The following PDE1C variants were observed in gnomAD, a reference collection of about 807,000 sequenced individuals.
PDE1C encodes the protein dual specificity calcium/calmodulin-dependent 3',5'-cyclic nucleotide phosphodiesterase 1C.
In PDE1C, 62 loss-of-function variants were observed where a neutral mutation model predicts 93.1. The ratio of observed to expected loss-of-function variants is 0.67; its 90% CI spans 0.54 to 0.82. PDE1C has a LOEUF of 0.82. PDE1C is among the 40% of genes least tolerant of loss of function. The pLI is 0.00. For missense variants in PDE1C, 742 were observed against 884.6 expected, an observed-to-expected ratio of 0.84 and a Z score of 2.04; for synonymous variants, 325 against 310.1, an observed-to-expected ratio of 1.05 and a Z score of -0.50.
intron 1 of PDE1C, among the ~76,000 whole-genome samples, chr7:32,069,447 T>C (rs1795769349): frequency 6.6e-6 from 1 of 152,052 alleles, no homozygotes; most frequent in South Asian, 2.1e-4. Context: ...TAGTATCTAG[T>C]AGTAATGGAA....
At chr7:31,654,072 A>C in the PDE1C span, among the ~76,000 whole-genome samples, 41 of 130,894 alleles carry the variant, frequency 3.1e-4, no homozygotes, top group Non-Finnish European at 1.7e-4. Context: ...AAAAAAAAAA[A>C]CCAACAAGCA....
chr7:31,898,261 A>C (rs929696919), intron 2 of PDE1C, among the ~76,000 whole-genome samples: 1 of 152,128 alleles, frequency 6.6e-6, no homozygotes, highest in African/African-American at 2.4e-5. Context: ...GAAATTTATA[A>C]AATACCTATT....
chr7:31,701,262 A>C, the PDE1C span, among the ~76,000 whole-genome samples: 1 of 152,160 alleles, frequency 6.6e-6, no homozygotes, highest in African/African-American at 2.4e-5. Flanking sequence ...GTTGATTCCA[A>C]CCTTTATGAA....
intron 2 of PDE1C, among the ~76,000 whole-genome samples, chr7:32,194,493 T>C (rs539380118): frequency 3.3e-5 from 5 of 152,358 alleles, no homozygotes; most frequent in Middle Eastern, 3.4e-3. Flanking sequence ...GGTGCATAAA[T>C]ATATAGGATT....
intron 1 of PDE1C, among the ~76,000 whole-genome samples, chr7:32,392,480 T>C (rs1393040407): frequency 6.6e-6 from 1 of 152,062 alleles, no homozygotes; most frequent in Non-Finnish European, 1.5e-5. Context: ...AAGCCAAAGA[T>C]ATCACAAGAA....
chr7:31,928,954 T>A (rs1263193371), intron 2 of PDE1C, among the ~76,000 whole-genome samples: 3 of 152,094 alleles, frequency 2.0e-5, no homozygotes, highest in Non-Finnish European at 2.9e-5. Flanking sequence ...TAAATGTAAA[T>A]GGGCTAAATA....
At chr7:32,290,887 A>C (rs902730842) in intron 1 of PDE1C, among the ~76,000 whole-genome samples, 1 of 152,226 alleles carries the variant, frequency 6.6e-6, no homozygotes, top group African/African-American at 2.4e-5. Flanking sequence ...AGACAAAGTC[A>C]TCCTTACAGT....
At chr7:32,422,482 C>T (rs920983186) in intron 1 of PDE1C, among the ~76,000 whole-genome samples, 1 of 139,854 alleles carries the variant, frequency 7.2e-6, no homozygotes, top group African/African-American at 2.6e-5. Flanking sequence ...CCCTTTCCCC[C>T]CCACCTGGCC....
chr7:32,207,173 A>G (rs1805635374), intron 2 of PDE1C, among the ~76,000 whole-genome samples: 1 of 152,018 alleles, frequency 6.6e-6, no homozygotes, highest in African/African-American at 2.4e-5. Flanking sequence ...AGCCCTTCCC[A>G]AGTCCCCACT....
chr7:32,166,485 G>T (rs1295078699), intron 3 of PDE1C, among the ~76,000 whole-genome samples: 2 of 152,152 alleles, frequency 1.3e-5, no homozygotes, highest in African/African-American at 4.8e-5. Flanking sequence ...TAAACTGTCT[G>T]CTCCAATACA....
chr7:32,226,911 C>T (rs7791872), intron 1 of PDE1C, among the ~76,000 whole-genome samples: 7 of 152,048 alleles, frequency 4.6e-5, no homozygotes, highest in African/African-American at 1.2e-4. Context: ...CTTTTTATGC[C>T]GCTACAGAAA....
intron 1 of PDE1C, among the ~76,000 whole-genome samples, chr7:32,422,142 G>A (rs1466776628): frequency 3.9e-5 from 6 of 152,212 alleles, no homozygotes; most frequent in South Asian, 4.1e-4. Flanking sequence ...CATTCTCATC[G>A]GTATTGCCTG....
chr7:32,407,438 T>C (rs1165096247), intron 1 of PDE1C, among the ~76,000 whole-genome samples: 2 of 152,170 alleles, frequency 1.3e-5, no homozygotes, highest in Non-Finnish European at 2.9e-5. Flanking sequence ...GAGCCAGTAT[T>C]GCACAGGCCT....
At chr7:32,421,265 C>T (rs1163575746) in intron 1 of PDE1C, among the ~76,000 whole-genome samples, 1 of 152,182 alleles carries the variant, frequency 6.6e-6, no homozygotes, top group East Asian at 1.9e-4. Flanking sequence ...CTGGCCTCCC[C>T]GCGGCCTTCA....
At chr7:31,923,630 CACTT>C (rs1802933723) in intron 2 of PDE1C, among the ~76,000 whole-genome samples, 1 of 152,124 alleles carries the variant, frequency 6.6e-6, no homozygotes, top group Non-Finnish European at 1.5e-5. Context: ...TCTGACAACA[CACTT>C]ACAAGAAAGC....
intron 3 of PDE1C, among the ~76,000 whole-genome samples, chr7:32,164,252 G>T (rs543695390): frequency 5.9e-5 from 9 of 152,098 alleles, no homozygotes; most frequent in Non-Finnish European, 1.3e-4. Flanking sequence ...GCCTTCAATG[G>T]CTTCTATCCA....
intron 3 of PDE1C, among the ~76,000 whole-genome samples, chr7:32,150,255 C>T (rs1035220002): frequency 3.3e-5 from 5 of 152,218 alleles, no homozygotes; most frequent in African/African-American, 1.2e-4. Flanking sequence ...ATAATCGCAG[C>T]CCAGCTCTGG....
At chr7:32,019,278 T>A (rs1788337174) in intron 2 of PDE1C, among the ~76,000 whole-genome samples, 1 of 151,856 alleles carries the variant, frequency 6.6e-6, no homozygotes, top group East Asian at 1.9e-4. Flanking sequence ...TGATTAGAGT[T>A]AGTGAGAAAA....
chr7:31,644,766 T>C, the PDE1C span, among the ~76,000 whole-genome samples: 25 of 152,308 alleles, frequency 1.6e-4, no homozygotes, highest in East Asian at 4.6e-3. Context: ...GATTAAAAAA[T>C]TAAGACTATT....
Sources: gnomAD v4.1 joint callset for allele counts (sites outside exome capture counted in the v4.1 genomes callset) on GRCh38, gnomAD v4.1.1 for gene constraint, MANE v1.5 for transcripts, NCBI Gene and HGNC (gene_info 2026-07-23, HGNC 2026-07-21) for gene names.